Variants in PCSK2 observed in about 807,000 individuals in gnomAD.
PCSK2 encodes neuroendocrine convertase 2.
PCSK2 carries 14 observed loss-of-function variants against 69.7 expected under a neutral mutation model. The observed-to-expected ratio is 0.20, with a 90% CI of 0.13 to 0.31. The LOEUF (loss-of-function observed/expected upper bound fraction) is 0.31. Ranked by LOEUF, PCSK2 falls within the 10% of genes least tolerant of loss-of-function variation. The pLI is 1.00. For missense variants in PCSK2, 544 were observed against 842.5 expected (o/e 0.65, Z 4.39); for synonymous variants, 307 against 320.7 (o/e 0.96, Z 0.46).
intron 6 of PCSK2, among the ~76,000 whole-genome samples, chr20:17,410,386 C>G (rs1372618619): frequency 1.3e-5 from 2 of 152,130 alleles, no homozygotes; most frequent in Admixed American, 1.3e-4. Context: ...GGTAGAGCCT[C>G]AGTGGACAGG....
At chr20:17,412,101 T>C (rs1199968810) in intron 6 of PCSK2, among the ~76,000 whole-genome samples, 2 of 152,168 alleles carry the variant, frequency 1.3e-5, no homozygotes, top group Admixed American at 1.3e-4. Flanking sequence ...CTGAAAATTC[T>C]AAAAAACGAG....
At chr20:17,413,780 A>G (rs947437654) in intron 6 of PCSK2, among the ~76,000 whole-genome samples, 12 of 152,216 alleles carry the variant, frequency 7.9e-5, no homozygotes, top group Admixed American at 3.3e-4. Context: ...GCATAATTGG[A>G]AGTAAAGCAC....
In PCSK2 at chr20:17,303,524, ATATAT is replaced by A. The variant is rs1248006916; in HGVS notation, c.282+43191_282+43195del. Among the ~76,000 whole-genome samples, 153 of 38,606 alleles carry A rather than the reference ATATAT, an allele frequency of 4.0e-3. 7 individuals carry two copies. Among genetic ancestry groups the A allele is most frequent in the Middle Eastern group, 0.019 (1 of 54 alleles). The allele number at this position is 38,606 out of a possible 152,430, so 25.3% of individuals were successfully genotyped here. A position where few individuals can be genotyped will look rare whatever the true frequency, so the allele number is the denominator to read the frequency against. On this transcript the variant is annotated intron_variant, in intron 2 of 11. Transcript: ENST00000262545. Reference sequence around the variant, plus strand: ...TAATATATATTATATATAATATAATATATATTATATTATATATAATATGATATAAT... The same window carrying A: ...TAATATATATTATATATAATATAATATATATTATATATAATATGATATAAT...
At chr20:17,376,122 G>C (rs1307463197) in intron 5 of PCSK2, among the ~76,000 whole-genome samples, 1 of 152,190 alleles carries the variant, frequency 6.6e-6, no homozygotes, top group Non-Finnish European at 1.5e-5. Context: ...GAGAGACATG[G>C]AGAAGAGCTT....
At chr20:17,290,456 T>G (rs1370674236) in intron 2 of PCSK2, among the ~76,000 whole-genome samples, 1 of 152,238 alleles carries the variant, frequency 6.6e-6, no homozygotes. Flanking sequence ...GTGCCCAGCC[T>G]GGAATGTGTA....
intron 2 of PCSK2, among the ~76,000 whole-genome samples, chr20:17,275,506 G>A (rs16998895): frequency 0.099 from 14,987 of 152,060 alleles, 963 homozygotes; most frequent in South Asian, 0.28. Context: ...AGAAAGGTTC[G>A]AAAACTGTGG....
chr20:17,355,361 T>C (rs929997609), intron 2 of PCSK2, among the ~76,000 whole-genome samples: 1 of 152,200 alleles, frequency 6.6e-6, no homozygotes, highest in African/African-American at 2.4e-5. Flanking sequence ...AGGGAAGTTA[T>C]TTACGACAAG....
rs531913942 is a variant in PCSK2, at chr20:17,281,553, A to C, written c.282+21209A>C. ...TCAGGCTGCTTGGTCTGGGCATGCC[A>C]ATAACCATATATAAATGTTTTGTTT... On this transcript the variant is annotated intron_variant, in intron 2 of 11. Transcript: ENST00000262545. Among the ~76,000 whole-genome samples the C allele has an allele frequency of 1.2e-4, 18 of 152,356 alleles. No individual in the cohort carries two copies. In the East Asian group the frequency reaches 2.5e-3, roughly 21 times the overall value.
chr20:17,313,763 G>T (rs913762414), intron 2 of PCSK2, among the ~76,000 whole-genome samples: 4 of 152,146 alleles, frequency 2.6e-5, no homozygotes, highest in African/African-American at 9.7e-5. Flanking sequence ...ATGGAAGGAC[G>T]ACATGAATGT....
intron 1 of PCSK2, among the ~76,000 whole-genome samples, chr20:17,228,946 A>G (rs1368255442): frequency 6.6e-6 from 1 of 151,958 alleles, no homozygotes; most frequent in Non-Finnish European, 1.5e-5. Context: ...CGGAGGGAGC[A>G]CCCCGCTGTG....
intron 5 of PCSK2, among the ~76,000 whole-genome samples, chr20:17,378,067 T>C (rs1474950265): frequency 2.0e-5 from 3 of 152,242 alleles, no homozygotes; most frequent in African/African-American, 7.2e-5. Flanking sequence ...GTGTGAAAAA[T>C]CCAGTCCCTG....
At chr20:17,436,461 G>C (rs183841818) in intron 7 of PCSK2, among the ~76,000 whole-genome samples, 2,118 of 152,344 alleles carry the variant, frequency 0.014, 15 homozygotes, top group Non-Finnish European at 0.02. Context: ...ATGAATTCTA[G>C]TAAGTTTTGC....
intron 2 of PCSK2, among the ~76,000 whole-genome samples, chr20:17,302,984 A>G (rs1279498801): frequency 2.0e-5 from 3 of 152,032 alleles, no homozygotes; most frequent in African/African-American, 7.2e-5. Context: ...TCACTCTGAC[A>G]TCTTGAACCA....
At chr20:17,313,831 A>C (rs954282266) in intron 2 of PCSK2, among the ~76,000 whole-genome samples, 1 of 152,170 alleles carries the variant, frequency 6.6e-6, no homozygotes, top group Admixed American at 6.5e-5. Context: ...CCATTGAAAA[A>C]TCCAGCCCCA....
At chr20:17,316,123 T>C (rs1989682046) in intron 2 of PCSK2, among the ~76,000 whole-genome samples, 1 of 152,170 alleles carries the variant, frequency 6.6e-6, no homozygotes, top group East Asian at 1.9e-4. Flanking sequence ...CCTGACCGCA[T>C]AGGGTTGCTC....
chr20:17,454,947 C>T (rs1274782983), intron 9 of PCSK2, among the ~76,000 whole-genome samples: 1 of 152,216 alleles, frequency 6.6e-6, no homozygotes, highest in Non-Finnish European at 1.5e-5. Flanking sequence ...GTCCTTCCCA[C>T]GAGCCCTCCT....
intron 2 of PCSK2, among the ~76,000 whole-genome samples, chr20:17,292,713 A>G (rs1301301618): frequency 1.3e-5 from 2 of 152,176 alleles, no homozygotes; most frequent in African/African-American, 4.8e-5. Flanking sequence ...CTTCAGCAGA[A>G]TATCATCATT....
rs1194777357 is a variant in PCSK2, at chr20:17,453,585, C to T, written c.886-157C>T. Among the ~76,000 whole-genome samples the T allele has an allele frequency of 6.6e-6, 1 of 152,218 alleles. No individual in the cohort carries two copies. On this transcript the variant is annotated intron_variant, in intron 8 of 11. Transcript: ENST00000262545. This position sits in a 1 kb window ranked among gnomAD's most constrained non-coding sequence, Gnocchi z 4.0. Reference sequence around the variant, plus strand: ...TGGAAAAAAAAAGTTTCCCACAATGCCCTGCCAGAAGGATATGGTGTCCAA... The same window carrying T: ...TGGAAAAAAAAAGTTTCCCACAATGTCCTGCCAGAAGGATATGGTGTCCAA...
chr20:17,353,463 C>CAGAA (rs372975691), intron 2 of PCSK2, among the ~76,000 whole-genome samples: 4 of 126,442 alleles, frequency 3.2e-5, no homozygotes, highest in African/African-American at 8.7e-5. Context: ...GACTCCATCA[C>CAGAA]ACAAAAAAAA....
Sources: gnomAD v4.1 joint callset for allele counts (sites outside exome capture counted in the v4.1 genomes callset) on GRCh38, gnomAD v4.1.1 for gene constraint, Gnocchi (gnomAD v3.1) non-coding constraint, MANE v1.5 for transcripts, NCBI Gene and HGNC (gene_info 2026-07-23, HGNC 2026-07-21) for gene names.